COL24A1: variants seen among roughly 807,000 people sequenced by gnomAD.
COL24A1 encodes the protein collagen alpha-1(XXIV) chain.
Under a neutral mutation model 253.9 loss-of-function variants are expected in COL24A1, and 224 were observed. The ratio of observed to expected loss-of-function variants is 0.88; its 90% CI spans 0.79 to 0.99. COL24A1 has a LOEUF of 0.99. COL24A1 is among the 50% of genes least tolerant of loss of function. The probability of loss-of-function intolerance (pLI) is 0.00; values close to 1 mark genes in which losing one functional copy is unlikely to be tolerated. For missense variants in COL24A1, 2,131 were observed against 2,068.5 expected (o/e 1.03, Z -0.59); for synonymous variants, 685 against 673.7 (o/e 1.02, Z -0.26).
rs530986638 is a variant in COL24A1 at position 85,745,176 on chromosome 1, T to C, written c.4503+265A>G. 2.1e-3 allele frequency among the ~76,000 whole-genome samples: 317 copies of C among 152,246 alleles called. 1 individual carries two copies. The highest frequency in any genetic ancestry group is 3.2e-3 in the Non-Finnish European group (219 of 67,954). On this transcript the variant is annotated intron_variant, in intron 56 of 59. Coordinates refer to ENST00000370571, the MANE Select transcript of COL24A1 (RefSeq NM_152890.7). Reference sequence around the variant, plus strand: ...AGAAACATGGCTAACCTCATTTAACTACTTTCTTGGATAGTACCAAATTCC... The same window carrying C: ...AGAAACATGGCTAACCTCATTTAACCACTTTCTTGGATAGTACCAAATTCC...
intron 55 of COL24A1, among the ~76,000 whole-genome samples, chr1:85,760,056 TTG>T (rs1402662869): frequency 1.5e-4 from 2 of 13,766 alleles, no homozygotes; most frequent in Non-Finnish European, 2.8e-4. Context: ...GAGAAAGACA[TTG>T]TTTTTTTTTT....
intron 18 of COL24A1, 141 bp from the exon 19 acceptor site, chr1:86,017,345 A>C (rs951448127): frequency 1.1e-5 from 8 of 731,446 alleles, no homozygotes; most frequent in Non-Finnish European, 1.7e-5. Context: ...TTTTAGAAAA[A>C]TTTGTAACCA....
At chr1:85,877,287 A>G (rs939719848) in intron 32 of COL24A1, 112 bp from the exon 33 acceptor site, 2 of 646,636 alleles carry the variant, frequency 3.1e-6, no homozygotes, top group Non-Finnish European at 5.1e-6. Context: ...GATTATGTAA[A>G]TACATAATAC....
Position 85,730,462 on chromosome 1 carries a change from T to C in COL24A1, c.*84A>G. The C allele has an allele frequency of 7.1e-7, 1 of 1,411,780 alleles. No homozygotes were observed. The highest frequency in any genetic ancestry group is 1.4e-5 in the African/African-American group (1 of 70,230). 87.5% of individuals were successfully genotyped at this position (1,411,780 alleles called of 1,614,324 possible). A position where few individuals can be genotyped will look rare whatever the true frequency, so the allele number is the denominator to read the frequency against. ...CCAATGCTTTATTACATGCATTTCA[T>C]AATGACTGTATCTGTCTGTCTTATT... On this transcript the variant is annotated 3_prime_UTR_variant, in exon 60 of 60. Coordinates refer to ENST00000370571, the MANE Select transcript of COL24A1 (RefSeq NM_152890.7).
At chr1:86,097,898 T>A (rs1704132454) in intron 5 of COL24A1, among the ~76,000 whole-genome samples, 1 of 152,142 alleles carries the variant, frequency 6.6e-6, no homozygotes, top group Non-Finnish European at 1.5e-5. Context: ...ACTTGGATGT[T>A]AAATAGTGAT....
chr1:86,099,802 T>C (rs1388233405), intron 5 of COL24A1, among the ~76,000 whole-genome samples: 1 of 152,118 alleles, frequency 6.6e-6, no homozygotes, highest in Non-Finnish European at 1.5e-5. Flanking sequence ...TCCACCTGTC[T>C]CCCACCCCAA....
intron 10 of COL24A1, among the ~76,000 whole-genome samples, chr1:86,054,933 C>A (rs907819177): frequency 2.2e-4 from 33 of 152,098 alleles, no homozygotes; most frequent in African/African-American, 7.7e-4. Flanking sequence ...AAATGTGGTA[C>A]ATATAGACCA....
chr1:85,791,297 TATAA>T (rs1245958687), intron 47 of COL24A1, among the ~76,000 whole-genome samples: 2 of 152,074 alleles, frequency 1.3e-5, no homozygotes, highest in Admixed American at 1.3e-4. Flanking sequence ...GGAAGAATTG[TATAA>T]ATAGTCTGTG....
intron 24 of COL24A1, among the ~76,000 whole-genome samples, chr1:85,953,255 G>C (rs138121376): frequency 1.3e-4 from 20 of 152,098 alleles, no homozygotes; most frequent in Middle Eastern, 3.4e-3. Flanking sequence ...GCCACCCCTC[G>C]ACCCCTTCTA....
At chr1:86,119,216 C>A (rs1706458637) in intron 3 of COL24A1, among the ~76,000 whole-genome samples, 3 of 152,124 alleles carry the variant, frequency 2.0e-5, no homozygotes, top group Non-Finnish European at 4.4e-5. Context: ...TAACCACAAA[C>A]CACAAAATAT....
At chr1:86,096,170 T>A (rs1388934714) in intron 5 of COL24A1, among the ~76,000 whole-genome samples, 1 of 152,152 alleles carries the variant, frequency 6.6e-6, no homozygotes. Flanking sequence ...TTAACAGGAC[T>A]AAAAACAATT....
At chr1:86,050,026 A>G (rs1359178890) in intron 11 of COL24A1, 98 bp downstream of exon 11, 20 of 1,011,308 alleles carry the variant, frequency 2.0e-5, no homozygotes, top group Non-Finnish European at 2.9e-5. Context: ...TTGCTAACTC[A>G]GTAAGATTAC....
chr1:85,999,844 G>C (rs925936964), intron 19 of COL24A1, among the ~76,000 whole-genome samples: 14 of 151,978 alleles, frequency 9.2e-5, no homozygotes, highest in African/African-American at 3.4e-4. Context: ...GATGAGAGGG[G>C]GGTCTCATAG....
rs754973605 is a variant in COL24A1 at position 86,022,202 on chromosome 1, T to A, written c.2256+38A>T. On this transcript the variant is annotated intron_variant, in intron 18 of 59. Transcript: ENST00000370571. Reference sequence around the variant, plus strand: ...GAGACTCATGCCATGACATGCACTCTGTCAATTACAAAGAGCAAAGCAAAA... The same window carrying A: ...GAGACTCATGCCATGACATGCACTCAGTCAATTACAAAGAGCAAAGCAAAA... The A allele has an allele frequency of 3.2e-6, 5 of 1,572,000 alleles. No individual in the cohort carries two copies. The Admixed American group carries it at 8.3e-5, about 26-fold the overall frequency.
intron 19 of COL24A1, among the ~76,000 whole-genome samples, chr1:85,991,727 C>T (rs1694295197): frequency 6.6e-6 from 1 of 151,940 alleles, no homozygotes; most frequent in Admixed American, 6.6e-5. Context: ...ATTAAAAAGA[C>T]AAAGTGGTAA....
chr1:85,837,718 G>C (rs939825589), intron 43 of COL24A1, among the ~76,000 whole-genome samples: 5 of 152,170 alleles, frequency 3.3e-5, no homozygotes, highest in East Asian at 3.8e-4. Flanking sequence ...CTACAGGAGA[G>C]AGCAAGATTA....
At chr1:86,111,158 AT>A (rs1705550113) in intron 5 of COL24A1, among the ~76,000 whole-genome samples, 1 of 148,796 alleles carries the variant, frequency 6.7e-6, no homozygotes, top group South Asian at 2.2e-4. Context: ...GAGAACTTTT[AT>A]GTCTAGCTAG....
intron 19 of COL24A1, among the ~76,000 whole-genome samples, chr1:86,009,476 T>C (rs1419263009): frequency 6.6e-6 from 1 of 152,206 alleles, no homozygotes; most frequent in African/African-American, 2.4e-5. Flanking sequence ...CTATTGCTTC[T>C]AGGCTACAAA....
At chr1:85,899,618 C>G (rs557717940) in intron 28 of COL24A1, among the ~76,000 whole-genome samples, 1 of 152,182 alleles carries the variant, frequency 6.6e-6, no homozygotes, top group South Asian at 2.1e-4. Context: ...TCAAAAGGCC[C>G]CTGGACACAT....
Sources: allele counts gnomAD v4.1 joint callset (sites outside exome capture counted in the v4.1 genomes callset), GRCh38; gene constraint gnomAD v4.1.1; transcripts MANE v1.5; gene names NCBI Gene and HGNC (gene_info 2026-07-23, HGNC 2026-07-21).